ASIC2: variants seen among roughly 807,000 people sequenced by gnomAD.
ASIC2 encodes the protein acid sensing ion channel subunit 2.
In ASIC2, 25 loss-of-function variants were observed where a neutral mutation model predicts 57.3. That is an observed-to-expected ratio of 0.44 (90% CI 0.32 to 0.61). The LOEUF is 0.61. Among genes scored for constraint, ASIC2 ranks in the 20% least tolerant of loss-of-function variants. The pLI is 0.06. For missense variants in ASIC2, 641 were observed against 738.1 expected (o/e 0.87, Z 1.52); for synonymous variants, 319 against 307.5 (o/e 1.04, Z -0.39).
chr17:33,959,034 G>C (rs1302574397), intron 1 of ASIC2, among the ~76,000 whole-genome samples: 1 of 152,186 alleles, frequency 6.6e-6, no homozygotes, highest in African/African-American at 2.4e-5. Context: ...CTTGGCTCCA[G>C]TTCCTAAGTT....
At chr17:33,569,241 C>T (rs983179256) in intron 1 of ASIC2, 1 of 152,298 alleles carries the variant, frequency 6.6e-6, no homozygotes, top group Non-Finnish European at 1.5e-5. Flanking sequence ...TGCAAAAGCC[C>T]TGGAGGTGGG....
intron 1 of ASIC2, among the ~76,000 whole-genome samples, chr17:33,448,170 T>A (rs1203549226): frequency 1.3e-5 from 2 of 152,064 alleles, no homozygotes; most frequent in Admixed American, 6.6e-5. Flanking sequence ...GCCTCCTACG[T>A]CTCTTTATGT....
chr17:33,082,875 C>T (rs1016072108), intron 3 of ASIC2, among the ~76,000 whole-genome samples: 20 of 152,128 alleles, frequency 1.3e-4, no homozygotes, highest in Admixed American at 1.0e-3. Flanking sequence ...TAATTTTCCC[C>T]GAATTCCAGA....
chr17:34,046,185 A>G (rs1908329759), intron 1 of ASIC2, among the ~76,000 whole-genome samples: 1 of 152,206 alleles, frequency 6.6e-6, no homozygotes, highest in Non-Finnish European at 1.5e-5. Flanking sequence ...AGGTAAGATG[A>G]GCAGAAGAAC....
intron 1 of ASIC2, among the ~76,000 whole-genome samples, chr17:34,085,875 G>A (rs951508508): frequency 3.7e-4 from 56 of 151,608 alleles, no homozygotes; most frequent in Non-Finnish European, 6.5e-4. Context: ...CTGTGGGATC[G>A]GTGGTGACAT....
chr17:33,981,747 T>C (rs1024161331), intron 1 of ASIC2, among the ~76,000 whole-genome samples: 5 of 152,178 alleles, frequency 3.3e-5, no homozygotes, highest in African/African-American at 1.2e-4. Context: ...CTAAGCACCA[T>C]GCTTAACATT....
rs76528716 is a variant in ASIC2, at chr17:33,536,765, G to C, written c.556-424698C>G. Among the ~76,000 whole-genome samples the C allele has an allele frequency of 6.3e-3, 959 of 152,292 alleles. 11 individuals carry two copies. Among genetic ancestry groups the C allele is most frequent in the African/African-American group, 0.022 (924 of 41,554 alleles). On this transcript the variant is annotated intron_variant, in intron 1 of 9. Coordinates refer to the ASIC2 transcript ENST00000359872. ...CTCATGCCTGTAATCCCAGCACTTT[G>C]GGAGGCCTAGGCAGGTGGATTACTT...
At chr17:33,416,824 G>A (rs944270066) in intron 1 of ASIC2, among the ~76,000 whole-genome samples, 3 of 152,170 alleles carry the variant, frequency 2.0e-5, no homozygotes, top group Non-Finnish European at 4.4e-5. Context: ...GCTGCCAAGA[G>A]GAAGCTCCAT....
intron 1 of ASIC2, among the ~76,000 whole-genome samples, chr17:33,877,545 C>A (rs1051357606): frequency 5.9e-5 from 9 of 151,948 alleles, no homozygotes; most frequent in Non-Finnish European, 1.3e-4. Context: ...TGAGATCAAA[C>A]TGGTGAGGCT....
intron 1 of ASIC2, among the ~76,000 whole-genome samples, chr17:33,446,621 G>A (rs948221864): frequency 6.6e-6 from 1 of 152,114 alleles, no homozygotes; most frequent in Admixed American, 6.5e-5. Context: ...AAGTAGTGAC[G>A]TTCTGTTTAT....
At chr17:34,068,016 T>C (rs529351971) in intron 1 of ASIC2, among the ~76,000 whole-genome samples, 7 of 152,336 alleles carry the variant, frequency 4.6e-5, no homozygotes, top group Admixed American at 2.6e-4. Context: ...TCTTTAACAA[T>C]CTACATTGGT....
rs568277940 is a variant in ASIC2, at chr17:33,666,819, C to T, written c.555+489159G>A. On this transcript the variant is annotated intron_variant, in intron 1 of 9. Transcript: ENST00000359872. ...TTGCTAAGGTCTGCTGCCCCAGAATCGTTTCTCTGCTGGTCTGCTGTGGTT... is the reference window on the plus strand; with the variant it reads ...TTGCTAAGGTCTGCTGCCCCAGAATTGTTTCTCTGCTGGTCTGCTGTGGTT... 5.9e-5 allele frequency among the ~76,000 whole-genome samples: 9 copies of T among 152,300 alleles called. No homozygotes were observed. In the East Asian group the frequency reaches 9.7e-4, roughly 16 times the overall value.
chr17:33,300,797 A>G (rs1329820991), intron 1 of ASIC2, among the ~76,000 whole-genome samples: 1 of 152,196 alleles, frequency 6.6e-6, no homozygotes. Context: ...GGAGAGAACC[A>G]GAAGGTGTTA....
chr17:33,504,940 G>C (rs1914206228), intron 1 of ASIC2, among the ~76,000 whole-genome samples: 1 of 152,130 alleles, frequency 6.6e-6, no homozygotes, highest in African/African-American at 2.4e-5. Context: ...TGAGGGAGTG[G>C]AGCTGGCTGT....
chr17:33,322,049 C>T (rs186784029), intron 1 of ASIC2, among the ~76,000 whole-genome samples: 2 of 152,182 alleles, frequency 1.3e-5, no homozygotes, highest in Non-Finnish European at 2.9e-5. Context: ...TGTTCCACCC[C>T]TAGAGAGTGA....
At chr17:33,539,771 A>G (rs1915348994) in intron 1 of ASIC2, among the ~76,000 whole-genome samples, 1 of 152,156 alleles carries the variant, frequency 6.6e-6, no homozygotes, top group African/African-American at 2.4e-5. Context: ...TCGGGAGCTC[A>G]CAGTCCAGAT....
intron 1 of ASIC2, among the ~76,000 whole-genome samples, chr17:33,855,956 G>A (rs1453508491): frequency 6.6e-6 from 1 of 151,978 alleles, no homozygotes; most frequent in Non-Finnish European, 1.5e-5. Flanking sequence ...AAAATGATAA[G>A]GTCCTTACTC....
At chr17:33,380,196 A>G (rs974301014) in intron 1 of ASIC2, among the ~76,000 whole-genome samples, 6 of 142,172 alleles carry the variant, frequency 4.2e-5, no homozygotes, top group Non-Finnish European at 9.1e-5. Context: ...CAGTTAGGTG[A>G]CATCGCGCCA....
chr17:33,700,769 G>A (rs1597840720), intron 1 of ASIC2, among the ~76,000 whole-genome samples: 1 of 152,296 alleles, frequency 6.6e-6, no homozygotes, highest in South Asian at 2.1e-4. Context: ...TTCAGACACA[G>A]CGCTTTGCAG....
Sources: allele counts gnomAD v4.1 joint callset (sites outside exome capture counted in the v4.1 genomes callset), GRCh38; gene constraint gnomAD v4.1.1; transcripts MANE v1.5; gene names NCBI Gene and HGNC (gene_info 2026-07-23, HGNC 2026-07-21).